Variants in FAM78A observed in about 807,000 individuals in gnomAD.
The protein encoded by FAM78A is protein FAM78A.
A neutral mutation model predicts 22.6 loss-of-function variants in FAM78A; 12 were observed. The observed-to-expected ratio is 0.53, with a 90% CI of 0.34 to 0.86. FAM78A has a LOEUF of 0.86. Among genes scored for constraint, FAM78A ranks in the 40% least tolerant of loss-of-function variants. The pLI is 0.02. For synonymous variants in FAM78A, 151 were observed against 155.8 expected (o/e 0.97, Z 0.23); for missense variants, 322 against 396.1 (o/e 0.81, Z 1.59).
Position 131,265,257 on chromosome 9 carries a change from C to A in FAM78A, c.324-3907G>T, listed in dbSNP as rs1291217432. Among the ~76,000 whole-genome samples the A allele has an allele frequency of 1.3e-5, 2 of 152,070 alleles. No homozygotes were observed. The highest frequency in any genetic ancestry group is 1.5e-5 in the Non-Finnish European group (1 of 68,010). On this transcript the variant is annotated intron_variant, in intron 1 of 1. Transcript: ENST00000372271. This position sits in a 1 kb window ranked among gnomAD's most constrained non-coding sequence, Gnocchi z 4.3. The stretch of plus-strand genomic sequence containing the variant: ...TAAAGTTAAGCAATATCTTAACCAC[C>A]TTTCTCCTTTTTTTTGAGACAGAGT...
chr9:131,270,583 C>A lies in FAM78A; in HGVS notation c.323+5274G>T, dbSNP rs1040391542. The A allele has an allele frequency of 2.1e-5, 15 of 710,118 alleles. No homozygotes were observed. The South Asian group carries it at 2.3e-4, about 11-fold the overall frequency. 44.0% of individuals were successfully genotyped at this position (710,118 alleles called of 1,614,324 possible). A position where few individuals can be genotyped will look rare whatever the true frequency, so the allele number is the denominator to read the frequency against. ...GTCATCCCCCCTACTTCCTCCCACC[C>A]CAAAGCCTTGAAACAAGGACTTCCC... On this transcript the variant is annotated intron_variant, in intron 1 of 1. Coordinates refer to ENST00000372271, the MANE Select transcript of FAM78A (RefSeq NM_033387.4).
At chr9:131,266,342 CA>C (rs554861958) in intron 1 of FAM78A, among the ~76,000 whole-genome samples, 38 of 152,340 alleles carry the variant, frequency 2.5e-4, no homozygotes, top group African/African-American at 8.7e-4. Context: ...CACACGTGCA[CA>C]GCACAAGCAC....
At chr9:131,262,572 C>T (rs112381202) in intron 1 of FAM78A, 2 of 151,550 alleles carry the variant, frequency 1.3e-5, no homozygotes, top group Non-Finnish European at 2.9e-5. Flanking sequence ...CAGTGAGACC[C>T]TACCTCTAAA....
rs1164346194 is a variant in FAM78A at position 131,265,159 on chromosome 9, G to T, written c.324-3809C>A. Among the ~76,000 whole-genome samples, 1 of 152,082 alleles carries T rather than the reference G, an allele frequency of 6.6e-6. No homozygotes were observed. The highest frequency in any genetic ancestry group is 1.5e-5 in the Non-Finnish European group (1 of 68,010). On this transcript the variant is annotated intron_variant, in intron 1 of 1. Coordinates refer to ENST00000372271, the MANE Select transcript of FAM78A (RefSeq NM_033387.4). This position sits in a 1 kb window ranked among gnomAD's most constrained non-coding sequence, Gnocchi z 4.3. ...CTGTTTCTTCTTGGTACTTATTGGGGATTTAAACATTCTAATTCTGTTCTC... is the reference window on the plus strand; with the variant it reads ...CTGTTTCTTCTTGGTACTTATTGGGTATTTAAACATTCTAATTCTGTTCTC...
In FAM78A at chr9:131,274,674, C is replaced by T. The variant is rs1358020840; in HGVS notation, c.323+1183G>A. ...GAAGCCACCAGACTTGGTGTCCCGC[C>T]ATCCTCCACCCCTCTCATTTACAGG... On this transcript the variant is annotated intron_variant, in intron 1 of 1. Transcript: ENST00000372271. The surrounding 1 kb of genome is among the most constrained non-coding windows in gnomAD (Gnocchi z 4.2). 6.6e-6 allele frequency among the ~76,000 whole-genome samples: 1 copy of T among 152,236 alleles called. No individual in the cohort carries two copies. Among genetic ancestry groups the T allele is most frequent in the Non-Finnish European group, 1.5e-5 (1 of 68,040 alleles).
At chr9:131,280,276 C>T (rs1283310240), upstream of FAM78A, among the ~76,000 whole-genome samples, 1 of 152,198 alleles carries the variant, frequency 6.6e-6, no homozygotes, top group African/African-American at 2.4e-5. Flanking sequence ...GCTCGCGGCC[C>T]CTCCGGCCCT....
chr9:131,270,037 TAAAAAAAAAAAA>T (rs1008374603), intron 1 of FAM78A, among the ~76,000 whole-genome samples: 1 of 85,626 alleles, frequency 1.2e-5, no homozygotes, highest in Middle Eastern at 6.7e-3. Flanking sequence ...CCTACTAAAA[TAAAAAAAAAAAA>T]AAAAAAAAAA....
chr9:131,264,607 C>T (rs746911951), intron 1 of FAM78A: 58 of 717,206 alleles, frequency 8.1e-5, no homozygotes, highest in Non-Finnish European at 1.4e-4. Flanking sequence ...CAACAGCAGT[C>T]AGTGGAAGCT....
At chr9:131,269,085 G>C (rs902524617) in intron 1 of FAM78A, among the ~76,000 whole-genome samples, 1 of 73,180 alleles carries the variant, frequency 1.4e-5, no homozygotes, top group African/African-American at 5.5e-5. Flanking sequence ...TGGGCGACAA[G>C]AACAAAACTT....
Position 131,274,400 on chromosome 9 carries a change from A to G in FAM78A, c.323+1457T>C, listed in dbSNP as rs1835456876. Among the ~76,000 whole-genome samples the G allele has an allele frequency of 6.6e-6, 1 of 152,214 alleles. No individual in the cohort carries two copies. The highest frequency in any genetic ancestry group is 6.5e-5 in the Admixed American group (1 of 15,282). On this transcript the variant is annotated intron_variant, in intron 1 of 1. Coordinates refer to ENST00000372271, the MANE Select transcript of FAM78A (RefSeq NM_033387.4). This position sits in a 1 kb window ranked among gnomAD's most constrained non-coding sequence, Gnocchi z 4.2. ...TTAAGCGTTCTTAGAAAAGGTCCTCACTGCATAACTAAGAATCATGTTTCC... is the reference window on the plus strand; with the variant it reads ...TTAAGCGTTCTTAGAAAAGGTCCTCGCTGCATAACTAAGAATCATGTTTCC...
intron 1 of FAM78A, among the ~76,000 whole-genome samples, chr9:131,270,828 G>C (rs1000088752): frequency 6.6e-5 from 10 of 152,158 alleles, no homozygotes; most frequent in African/African-American, 2.4e-4. Context: ...ACCAGCTTCA[G>C]GTCTTAGAAG....
chr9:131,261,225 C>T lies in FAM78A; in HGVS notation c.449G>A (p.Arg150Lys). The T allele has an allele frequency of 5.0e-6, 8 of 1,613,606 alleles. No homozygotes were observed. The highest frequency in any genetic ancestry group is 6.8e-6 in the Non-Finnish European group (8 of 1,179,992). Residue 150 changes from arginine (R) to lysine (K), a missense_variant, in exon 2 of 2, where the codon AGG (arginine) becomes AAG (lysine). Physicochemically the swap from Arg to Lys is conservative, Grantham distance 26. Transcript: ENST00000372271. This position sits in a 1 kb window ranked among gnomAD's most constrained non-coding sequence, Gnocchi z 7.1. ...ETCTIVGPTK[R>K]DSKFIISMND... Reference sequence around the variant, plus strand: ...CATGCTGATGATGAACTTGGAGTCCCTCTTGGTGGGGCCCACGATGGTGCA... The same window carrying T: ...CATGCTGATGATGAACTTGGAGTCCTTCTTGGTGGGGCCCACGATGGTGCA...
intron 1 of FAM78A, among the ~76,000 whole-genome samples, chr9:131,263,154 G>A (rs1588196790): frequency 1.3e-5 from 2 of 150,190 alleles, no homozygotes; most frequent in African/African-American, 2.5e-5. Flanking sequence ...CAGGAGAATC[G>A]CTTGAACCCA....
chr9:131,262,942 G>C (rs1057053883), intron 1 of FAM78A, among the ~76,000 whole-genome samples: 8 of 150,458 alleles, frequency 5.3e-5, no homozygotes, highest in Admixed American at 2.6e-4. Flanking sequence ...CAGTTTTGCA[G>C]ATGAAAAGAG....
chr9:131,261,184 G>C lies in FAM78A; in HGVS notation c.490C>G (p.Pro164Ala). ...ACGGGCACGGCCCATGTGACGCTGG[G>C]GTAAAAGTTGTCATTCATGCTGATG... Reference protein sequence around the residue: ...FIISMNDNFYPSVTWAVPVSE... With the variant: ...FIISMNDNFYASVTWAVPVSE... Residue 164 changes from proline to alanine, a missense_variant, in exon 2 of 2, where the codon CCC becomes GCC. Coordinates refer to ENST00000372271, the MANE Select transcript of FAM78A (RefSeq NM_033387.4). This position sits in a 1 kb window ranked among gnomAD's most constrained non-coding sequence, Gnocchi z 7.1. 1 of 1,614,100 alleles carries C rather than the reference G, an allele frequency of 6.2e-7. No individual in the cohort carries two copies. Among genetic ancestry groups the C allele is most frequent in the Non-Finnish European group, 8.5e-7 (1 of 1,180,014 alleles).
chr9:131,278,663 G>A (rs557223789), upstream of FAM78A, among the ~76,000 whole-genome samples: 12 of 152,324 alleles, frequency 7.9e-5, no homozygotes, highest in African/African-American at 2.9e-4. Context: ...CCCCCGCAGG[G>A]GTCCCAGTGC....
At chr9:131,262,293 G>C (rs1462475544) in intron 1 of FAM78A, among the ~76,000 whole-genome samples, 1 of 148,906 alleles carries the variant, frequency 6.7e-6, no homozygotes, top group Non-Finnish European at 1.5e-5. Context: ...CTGGGCGACA[G>C]AGTGAGACTC....
At chr9:131,264,725 C>CT (rs1564236515) in intron 1 of FAM78A, 14,981 of 424,844 alleles carry the variant, frequency 0.035, 65 homozygotes, top group East Asian at 0.11. Context: ...CCTTTTCTGA[C>CT]CTTTTTTTTT....
Position 131,276,293 on chromosome 9 carries a change from A to G in FAM78A, c.-114T>C, listed in dbSNP as rs1835483602. On this transcript the variant is annotated 5_prime_UTR_variant, in exon 1 of 2. Transcript: ENST00000372271. This position sits in a 1 kb window ranked among gnomAD's most constrained non-coding sequence, Gnocchi z 4.3. ...CACTGAGTAGACTGGGGTTGCATAT[A>G]TCACTACCGCGGCCTGTTTATAAAT... 11 of 789,588 alleles carry G rather than the reference A, an allele frequency of 1.4e-5. No homozygotes were observed. In the South Asian group the frequency reaches 1.6e-4, roughly 11 times the overall value. 48.9% of individuals were successfully genotyped at this position (789,588 alleles called of 1,614,324 possible).
Sources: allele counts gnomAD v4.1 joint callset (sites outside exome capture counted in the v4.1 genomes callset), GRCh38; gene constraint gnomAD v4.1.1; non-coding constraint Gnocchi (gnomAD v3.1); transcripts MANE v1.5; gene names NCBI Gene and HGNC (gene_info 2026-07-23, HGNC 2026-07-21).